ATP8A2: variants seen among roughly 807,000 people sequenced by gnomAD.
The protein encoded by ATP8A2 is ATPase phospholipid transporting 8A2, also known as phospholipid-transporting ATPase IB.
A neutral mutation model predicts 165.6 loss-of-function variants in ATP8A2; 100 were observed. That is an observed-to-expected ratio of 0.60 (90% confidence interval 0.51 to 0.71). ATP8A2 has a LOEUF of 0.71. Ranked by LOEUF, ATP8A2 falls within the 30% of genes least tolerant of loss-of-function variation. ATP8A2 has a pLI of 0.00. For synonymous variants in ATP8A2, 543 were observed against 548.8 expected (o/e 0.99, Z 0.15); for missense variants, 1,227 against 1,479.5 (o/e 0.83, Z 2.80).
At chr13:25,590,840 T>G (rs527552992) in intron 24 of ATP8A2, among the ~76,000 whole-genome samples, 1 of 152,114 alleles carries the variant, frequency 6.6e-6, no homozygotes, top group Non-Finnish European at 1.5e-5. Flanking sequence ...TACCCCTTCA[T>G]GAGACCAAGG....
chr13:25,649,274 A>G (rs1053615585), intron 24 of ATP8A2, among the ~76,000 whole-genome samples: 1 of 152,136 alleles, frequency 6.6e-6, no homozygotes, highest in Non-Finnish European at 1.5e-5. Flanking sequence ...TTTACCTTGA[A>G]TTCACATGGG....
chr13:25,731,560 T>C (rs1427372981), intron 25 of ATP8A2, among the ~76,000 whole-genome samples: 1 of 152,228 alleles, frequency 6.6e-6, no homozygotes, highest in Non-Finnish European at 1.5e-5. Flanking sequence ...TGTCCAGCCT[T>C]AAATTTTCAT....
chr13:25,687,784 T>C (rs1391817793), intron 24 of ATP8A2, among the ~76,000 whole-genome samples: 1 of 152,220 alleles, frequency 6.6e-6, no homozygotes, highest in Non-Finnish European at 1.5e-5. Context: ...TTGTCTGTTA[T>C]CACAGGCAGA....
At chr13:25,910,536 G>A (rs1197225038) in intron 33 of ATP8A2, among the ~76,000 whole-genome samples, 1 of 152,146 alleles carries the variant, frequency 6.6e-6, no homozygotes, top group Admixed American at 6.5e-5. Context: ...CCCTGCAGGT[G>A]TTATGTGGAC....
intron 24 of ATP8A2, among the ~76,000 whole-genome samples, chr13:25,623,157 G>A (rs1014666110): frequency 2.0e-5 from 3 of 152,212 alleles, no homozygotes; most frequent in Non-Finnish European, 4.4e-5. Context: ...GCCAAGGCGG[G>A]AGGATCGCTT....
At chr13:25,804,736 G>A (rs1225068140) in intron 27 of ATP8A2, among the ~76,000 whole-genome samples, 2 of 152,072 alleles carry the variant, frequency 1.3e-5, no homozygotes, top group Non-Finnish European at 2.9e-5. Flanking sequence ...TGCATTCTGG[G>A]TGCCGAGCTG....
chr13:25,918,939 G>A (rs1446056163), intron 33 of ATP8A2, among the ~76,000 whole-genome samples: 1 of 152,182 alleles, frequency 6.6e-6, no homozygotes, highest in African/African-American at 2.4e-5. Flanking sequence ...GAGCTAAACA[G>A]CAAGAAAAGG....
intron 1 of ATP8A2, among the ~76,000 whole-genome samples, chr13:25,377,764 TC>T (rs1330332198): frequency 6.6e-6 from 1 of 151,984 alleles, no homozygotes; most frequent in Non-Finnish European, 1.5e-5. Flanking sequence ...TGCACTCCAG[TC>T]TGGGCAACAG....
intron 1 of ATP8A2, among the ~76,000 whole-genome samples, chr13:25,434,342 TTC>T (rs949532016): frequency 6.6e-6 from 1 of 151,378 alleles, no homozygotes; most frequent in Non-Finnish European, 1.5e-5. Flanking sequence ...TTTTTTTCTT[TTC>T]TCTCTCTTTT....
intron 35 of ATP8A2, among the ~76,000 whole-genome samples, chr13:26,011,327 G>A (rs1956842560): frequency 6.6e-6 from 1 of 152,112 alleles, no homozygotes; most frequent in African/African-American, 2.4e-5. Flanking sequence ...TCTTCCCTCC[G>A]TGTATGCCTG....
At chr13:25,781,028 G>A (rs991620281) in intron 27 of ATP8A2, among the ~76,000 whole-genome samples, 2 of 152,158 alleles carry the variant, frequency 1.3e-5, no homozygotes, top group Non-Finnish European at 1.5e-5. Flanking sequence ...TTGGGAGGCC[G>A]AGGTGGGTGG....
intron 24 of ATP8A2, among the ~76,000 whole-genome samples, chr13:25,648,499 A>T (rs371125959): frequency 2.0e-5 from 3 of 152,246 alleles, no homozygotes; most frequent in African/African-American, 7.2e-5. Context: ...CCCTGTCTCT[A>T]CTAAAAATAC....
intron 16 of ATP8A2, chr13:25,567,038 A>G (rs1377674693): frequency 7.7e-6 from 2 of 260,328 alleles, no homozygotes; most frequent in Non-Finnish European, 1.5e-5. Context: ...TGCCATAGAA[A>G]CCCAGTGGCC....
intron 1 of ATP8A2, among the ~76,000 whole-genome samples, chr13:25,439,375 C>A (rs750706261): frequency 7.9e-5 from 12 of 152,132 alleles, no homozygotes; most frequent in Admixed American, 1.3e-4. Context: ...CGTAGATCTC[C>A]ATAAATGTCT....
intron 27 of ATP8A2, among the ~76,000 whole-genome samples, chr13:25,809,500 C>A (rs748784577): frequency 3.3e-5 from 5 of 152,094 alleles, no homozygotes; most frequent in Non-Finnish European, 7.4e-5. Flanking sequence ...CCTTTGTGAT[C>A]CACCCCTGCT....
chr13:25,888,942 T>C (rs1277535023), intron 33 of ATP8A2, among the ~76,000 whole-genome samples: 1 of 152,108 alleles, frequency 6.6e-6, no homozygotes, highest in Non-Finnish European at 1.5e-5. Context: ...TTCTTTTATG[T>C]ATGTGAAAAT....
intron 27 of ATP8A2, among the ~76,000 whole-genome samples, chr13:25,807,199 A>G (rs1593376711): frequency 6.6e-6 from 1 of 150,552 alleles, no homozygotes; most frequent in East Asian, 1.9e-4. Flanking sequence ...GATAAAGTCT[A>G]ATTTATCTGT....
intron 25 of ATP8A2, among the ~76,000 whole-genome samples, chr13:25,754,416 C>A (rs151313242): frequency 6.8e-6 from 1 of 147,656 alleles, no homozygotes; most frequent in African/African-American, 2.5e-5. Context: ...AAAAAGTATG[C>A]GATTTTTTTT....
At chr13:25,641,556 G>A (rs1280864746) in intron 24 of ATP8A2, among the ~76,000 whole-genome samples, 2 of 152,106 alleles carry the variant, frequency 1.3e-5, no homozygotes, top group African/African-American at 4.8e-5. Flanking sequence ...GGGATGTGAA[G>A]GACCTCTTCA....
Sources: gnomAD v4.1 joint callset for allele counts (sites outside exome capture counted in the v4.1 genomes callset) on GRCh38, gnomAD v4.1.1 for gene constraint, MANE v1.5 for transcripts, NCBI Gene and HGNC (gene_info 2026-07-23, HGNC 2026-07-21) for gene names.